Variants in GRID2 observed in about 807,000 individuals in gnomAD.
GRID2 encodes the protein glutamate ionotropic receptor delta type subunit 2.
In GRID2, 33 loss-of-function variants were observed where a neutral mutation model predicts 114.8. The ratio of observed to expected loss-of-function variants is 0.29; its 90% CI spans 0.22 to 0.38. The LOEUF is 0.38. Among genes scored for constraint, GRID2 ranks in the 10% least tolerant of loss-of-function variants. The pLI, the probability that GRID2 is intolerant of heterozygous loss-of-function variation, is 1.00. For synonymous variants in GRID2, 505 were observed against 449.9 expected (o/e 1.12, Z -1.55); for missense variants, 1,184 against 1,257.7 (o/e 0.94, Z 0.89).
At chr4:92,831,108 A>G (rs1578257923) in intron 2 of GRID2, among the ~76,000 whole-genome samples, 1 of 152,290 alleles carries the variant, frequency 6.6e-6, no homozygotes. Flanking sequence ...AATTGTTACT[A>G]TATAAGAAGA....
chr4:92,391,200 T>A (rs1457705857), intron 1 of GRID2, among the ~76,000 whole-genome samples: 1 of 152,102 alleles, frequency 6.6e-6, no homozygotes, highest in Non-Finnish European at 1.5e-5. Flanking sequence ...ACTTTGGAAG[T>A]TTTTAGTCAT....
intron 2 of GRID2, among the ~76,000 whole-genome samples, chr4:92,593,317 T>A (rs1023806195): frequency 1.1e-4 from 17 of 152,040 alleles, no homozygotes; most frequent in Admixed American, 7.9e-4. Flanking sequence ...TGTTAGAATT[T>A]CCTCTAATCA....
chr4:93,741,734 G>A (rs1731436616), intron 14 of GRID2, among the ~76,000 whole-genome samples: 1 of 151,986 alleles, frequency 6.6e-6, no homozygotes, highest in African/African-American at 2.4e-5. Flanking sequence ...GACCAGCCTG[G>A]CTAACATGGT....
intron 1 of GRID2, among the ~76,000 whole-genome samples, chr4:92,359,080 A>G (rs923191428): frequency 6.6e-6 from 1 of 151,972 alleles, no homozygotes; most frequent in African/African-American, 2.4e-5. Flanking sequence ...TAGTAGAGGA[A>G]AGCTGATATC....
chr4:92,487,014 C>T lies in GRID2; in HGVS notation c.89-103117C>T, dbSNP rs573535985. ...TTTGTTTATGTTCTTCCTCCCTTAG[C>T]CTCTTAATGTCTCTTTTATTTCTGA... On this transcript the variant is annotated intron_variant, in intron 1 of 15. Transcript: ENST00000282020. 4.7e-4 allele frequency among the ~76,000 whole-genome samples: 72 copies of T among 151,984 alleles called. 1 individual carries two copies. Among genetic ancestry groups the T allele is most frequent in the African/African-American group, 1.5e-3 (63 of 41,528 alleles).
At chr4:92,970,624 A>T (rs1017287145) in intron 2 of GRID2, among the ~76,000 whole-genome samples, 5 of 151,980 alleles carry the variant, frequency 3.3e-5, no homozygotes, top group African/African-American at 1.2e-4. Flanking sequence ...AACATCAAAA[A>T]TTTGAAAATC....
At chr4:92,977,189 C>T (rs2149181459) in intron 2 of GRID2, among the ~76,000 whole-genome samples, 1 of 152,176 alleles carries the variant, frequency 6.6e-6, no homozygotes, top group Non-Finnish European at 1.5e-5. Flanking sequence ...AGGAAGCTAA[C>T]AAGGTAATTT....
At chr4:92,600,034 G>A (rs1355097267) in intron 2 of GRID2, among the ~76,000 whole-genome samples, 2,450 of 76,028 alleles carry the variant, frequency 0.032, 63 homozygotes, top group South Asian at 0.063. Flanking sequence ...ATGTGTGTGT[G>A]TGTGTGTGTG....
At chr4:92,901,939 C>A (rs1747613444) in intron 2 of GRID2, among the ~76,000 whole-genome samples, 1 of 151,870 alleles carries the variant, frequency 6.6e-6, no homozygotes. Context: ...TTTTAATAGG[C>A]CTGGTATCAG....
At chr4:93,598,371 A>G (rs1739323688) in intron 13 of GRID2, among the ~76,000 whole-genome samples, 1 of 151,376 alleles carries the variant, frequency 6.6e-6, no homozygotes, top group East Asian at 1.9e-4. Context: ...TCCCTCGTTC[A>G]CTCATTCCTT....
At chr4:93,061,838 G>A (rs1727837783) in intron 2 of GRID2, among the ~76,000 whole-genome samples, 2 of 152,196 alleles carry the variant, frequency 1.3e-5, no homozygotes, top group African/African-American at 4.8e-5. Context: ...CCACATTGAG[G>A]TAGACACTAC....
chr4:92,388,049 C>T (rs564677397), intron 1 of GRID2, among the ~76,000 whole-genome samples: 3 of 152,014 alleles, frequency 2.0e-5, no homozygotes, highest in African/African-American at 4.8e-5. Flanking sequence ...TTTTTGTTAC[C>T]GTTGTTGGAC....
chr4:92,861,365 C>T (rs769671729), intron 2 of GRID2, among the ~76,000 whole-genome samples: 4 of 152,092 alleles, frequency 2.6e-5, no homozygotes, highest in Non-Finnish European at 5.9e-5. Flanking sequence ...ATCTATCAAA[C>T]ACCCAGTTCT....
chr4:93,760,256 T>C (rs1374127840), intron 14 of GRID2, among the ~76,000 whole-genome samples: 1 of 152,214 alleles, frequency 6.6e-6, no homozygotes, highest in Non-Finnish European at 1.5e-5. Flanking sequence ...TGTTTATTTT[T>C]GCTATTCTTT....
chr4:93,121,212 A>G (rs1333890256), intron 4 of GRID2, among the ~76,000 whole-genome samples: 3 of 152,134 alleles, frequency 2.0e-5, no homozygotes, highest in African/African-American at 4.8e-5. Context: ...TTAAAGATGA[A>G]GCAATTATAA....
intron 14 of GRID2, among the ~76,000 whole-genome samples, chr4:93,729,904 A>T (rs1730325074): frequency 6.6e-6 from 1 of 152,162 alleles, no homozygotes; most frequent in Admixed American, 6.5e-5. Flanking sequence ...TATCTCTGAA[A>T]TTGTGGACAT....
At chr4:93,438,302 G>A (rs767857819) in intron 10 of GRID2, among the ~76,000 whole-genome samples, 6 of 152,124 alleles carry the variant, frequency 3.9e-5, no homozygotes, top group East Asian at 1.9e-4. Flanking sequence ...CCCAGGGGCC[G>A]AATGGCAGCT....
Position 92,936,320 on chromosome 4 carries a change from GA to G in GRID2, c.245-148668del, listed in dbSNP as rs911796112. The stretch of plus-strand genomic sequence containing the variant: ...TAAATGTTTGCATAGTTTAAAAATA[GA>G]AAAAAATTACACTAAGGCATTATCT... On this transcript the variant is annotated intron_variant, in intron 2 of 15. Transcript: ENST00000282020. Among the ~76,000 whole-genome samples the G allele has an allele frequency of 2.7e-5, 4 of 145,958 alleles. 1 individual carries two copies. In the East Asian group the frequency reaches 8.7e-4, roughly 32 times the overall value.
At chr4:93,760,736 T>G (rs991064236) in intron 14 of GRID2, among the ~76,000 whole-genome samples, 8 of 152,232 alleles carry the variant, frequency 5.3e-5, no homozygotes, top group Non-Finnish European at 5.9e-5. Context: ...TTAAAAACCA[T>G]TTTCATATCT....
Sources: gnomAD v4.1 joint callset for allele counts (sites outside exome capture counted in the v4.1 genomes callset) on GRCh38, gnomAD v4.1.1 for gene constraint, MANE v1.5 for transcripts, NCBI Gene and HGNC (gene_info 2026-07-23, HGNC 2026-07-21) for gene names.